Variants in GALK1 observed in about 807,000 individuals in gnomAD.
GALK1 encodes galactokinase.
Under a neutral mutation model 38.6 loss-of-function variants are expected in GALK1, and 30 were observed. That is an observed-to-expected ratio of 0.78 (90% CI 0.58 to 1.05). The LOEUF (loss-of-function observed/expected upper bound fraction) is 1.05, where lower values mean the gene tolerates loss of function less well. GALK1 is among the 50% of genes least tolerant of loss of function. The probability of loss-of-function intolerance (pLI) is 0.00; values close to 1 mark genes in which losing one functional copy is unlikely to be tolerated. For missense variants in GALK1, 512 were observed against 540.5 expected (o/e 0.95, Z 0.52); for synonymous variants, 240 against 233.6 (o/e 1.03, Z -0.25).
At chr17:75,753,746 GC>G (rs35633117), downstream of GALK1, 1 of 1,405,688 alleles carries the variant, frequency 7.1e-7, no homozygotes, top group Non-Finnish European at 9.3e-7. Context: ...TGCCAACGCG[GC>G]CCTTCGTTGT....
chr17:75,764,466 G>A (rs2061601944), intron 1 of GALK1: 1 of 552,296 alleles, frequency 1.8e-6, no homozygotes, highest in Non-Finnish European at 3.5e-6. Context: ...GCCCCCCGCT[G>A]AAAGCTGGGA....
At chr17:75,760,027 T>A (rs1040091415) in intron 5 of GALK1, among the ~76,000 whole-genome samples, 1 of 152,182 alleles carries the variant, frequency 6.6e-6, no homozygotes, top group Non-Finnish European at 1.5e-5. Context: ...CTAATATTGA[T>A]AATGACCTTA....
rs772617154 is a variant in GALK1, at chr17:75,765,063, C to T, written c.74G>A (p.Gly25Glu). The T allele has an allele frequency of 6.2e-7, 1 of 1,602,394 alleles. No homozygotes were observed. Among genetic ancestry groups the T allele is most frequent in the Non-Finnish European group, 8.5e-7 (1 of 1,175,444 alleles). ...EARRAFREEF[G>E]AEPELAVSAP... ...TGACACGGCCAGCTCGGGCTCGGCC[C>T]CGAACTCCTCCCGGAAGGCTCGCCG... Residue 25 changes from glycine to glutamate, a missense_variant, in exon 1 of 8, where the codon GGG becomes GAG. Transcript: ENST00000588479.
chr17:75,756,675 G>A (rs1308269420), downstream of GALK1: 1 of 1,613,240 alleles, frequency 6.2e-7, no homozygotes, highest in East Asian at 2.2e-5. Flanking sequence ...CCCACCCACA[G>A]GCTGATGCTC....
At chr17:75,755,139 G>C (rs1461170287), downstream of GALK1, 2 of 1,611,682 alleles carry the variant, frequency 1.2e-6, no homozygotes, top group African/African-American at 2.7e-5. Context: ...CAGATGAAAG[G>C]GTTCCCCCCT....
intron 1 of GALK1, chr17:75,764,409 A>T (rs749264044): frequency 1.6e-6 from 1 of 606,880 alleles, no homozygotes; most frequent in Non-Finnish European, 3.1e-6. Context: ...GTGGCTCTGG[A>T]CATCCTGTAC....
downstream of GALK1, chr17:75,755,259 T>A: frequency 6.4e-7 from 1 of 1,574,614 alleles, no homozygotes; most frequent in Non-Finnish European, 8.7e-7. Context: ...TCCTGCTCCA[T>A]CTGTCATCCA....
chr17:75,759,427 C>A (rs200502683), intron 5 of GALK1, among the ~76,000 whole-genome samples: 11 of 143,482 alleles, frequency 7.7e-5, no homozygotes, highest in Middle Eastern at 3.5e-3. Context: ...GGCTCCCTCT[C>A]AAAAAAAAAG....
intron 8 of GALK1, chr17:75,752,053 C>T: frequency 9.0e-7 from 1 of 1,111,694 alleles, no homozygotes; most frequent in Non-Finnish European, 1.4e-6. Flanking sequence ...GCTGGCTTTG[C>T]CTTGCTTCCC....
downstream of GALK1, chr17:75,755,084 A>C (rs2061463682): frequency 6.2e-7 from 1 of 1,601,272 alleles, no homozygotes; most frequent in African/African-American, 1.3e-5. Context: ...ACACGGGAGG[A>C]GCAGGCTTCC....
Position 75,758,228 on chromosome 17 carries a change from G to A in GALK1, c.1089C>T (p.His363=), listed in dbSNP as rs200502537. 2.1e-5 allele frequency: 33 copies of A among 1,604,744 alleles called. No homozygotes were observed. Among genetic ancestry groups the A allele is most frequent in the East Asian group, 1.1e-4 (5 of 44,580 alleles). ...CGCCCACCTGGATGTGCCGCATGGC[G>A]TGGGGAGCAGCGGAGGCCTCCAGCA... ...VTLLEASAAP[H]AMRHIQEHYG... The change falls in exon 7 of 8, where the codon CAC becomes CAT. Residue 363 remains histidine (H), a synonymous_variant. Transcript: ENST00000588479.
chr17:75,757,732 C>T (rs1038026835), downstream of GALK1: 2 of 822,960 alleles, frequency 2.4e-6, no homozygotes, highest in Non-Finnish European at 3.9e-6. Context: ...CCTCTGTGGG[C>T]CCAAACCTAT....
At position 75,758,472 on chromosome 17, in the gene GALK1, C is replaced by T; in HGVS notation, c.921G>A (p.Met307Ile). The T allele has an allele frequency of 6.3e-7, 1 of 1,575,730 alleles. No individual in the cohort carries two copies. Among genetic ancestry groups the T allele is most frequent in the Non-Finnish European group, 8.6e-7 (1 of 1,162,710 alleles). ...ACCTGAGTGAGCGGTGGCTCTCCAC[C>T]ATGAGGCGGCCAAAGGCTCTGTAGT... ...RGDYRAFGRL[M>I]VESHRSLRDD... Residue 307 changes from methionine to isoleucine, a missense_variant, in exon 6 of 8, where the codon ATG becomes ATA. Met to Ile is a conservative substitution (Grantham distance 10). Coordinates refer to ENST00000588479, the MANE Select transcript of GALK1 (RefSeq NM_000154.2).
chr17:75,755,730 A>G (rs761374692), downstream of GALK1: 1 of 1,612,694 alleles, frequency 6.2e-7, no homozygotes, highest in East Asian at 2.2e-5. Flanking sequence ...TGTGCCCGAC[A>G]CGCCCACCCG....
At chr17:75,760,502 G>A (rs2061582713) in intron 5 of GALK1, among the ~76,000 whole-genome samples, 1 of 151,198 alleles carries the variant, frequency 6.6e-6, no homozygotes, top group African/African-American at 2.4e-5. Flanking sequence ...GCTCACGCCT[G>A]TGCCTGTAAT....
chr17:75,753,134 A>G (rs1451991052), downstream of GALK1, among the ~76,000 whole-genome samples: 2 of 152,234 alleles, frequency 1.3e-5, no homozygotes, highest in East Asian at 3.9e-4. Context: ...TGGGATACCA[A>G]TCACACAGTA....
Position 75,758,564 on chromosome 17 carries a change from G to T in GALK1, c.829C>A (p.Arg277=), listed in dbSNP as rs550012222. 1.6e-5 allele frequency: 25 copies of T among 1,596,656 alleles called. No homozygotes were observed. Among genetic ancestry groups the T allele is most frequent in the Non-Finnish European group, 2.0e-5 (23 of 1,177,392 alleles). Residue 277 remains arginine (R), a synonymous_variant, in exon 6 of 8, where the codon CGG becomes AGG. Coordinates refer to ENST00000588479, the MANE Select transcript of GALK1 (RefSeq NM_000154.2). ...RDLVSKEGFR[R]ARHVVGEIRR... ...ATCTCCCCCACCACGTGCCGGGCCC[G>T]CCGGAAGCCCTCTTTGCTCACCAGG...
intron 5 of GALK1, 84 bp downstream of exon 5, chr17:75,762,620 G>C: frequency 7.0e-7 from 1 of 1,433,086 alleles, no homozygotes. Flanking sequence ...TGGAGATCGG[G>C]GTCCCAGGCA....
At chr17:75,755,673 C>G (rs201080373), downstream of GALK1, 1 of 1,612,256 alleles carries the variant, frequency 6.2e-7, no homozygotes, top group African/African-American at 1.3e-5. Context: ...CCCTGCATCT[C>G]TGGCTGACTG....
Sources: allele counts gnomAD v4.1 joint callset (sites outside exome capture counted in the v4.1 genomes callset), GRCh38; gene constraint gnomAD v4.1.1; transcripts MANE v1.5; gene names NCBI Gene and HGNC (gene_info 2026-07-23, HGNC 2026-07-21).